The following PSTPIP2 variants were observed in gnomAD, a reference collection of about 807,000 sequenced individuals.
PSTPIP2 encodes proline-serine-threonine phosphatase interacting protein 2.
PSTPIP2 carries 33 observed loss-of-function variants against 63.3 expected under a neutral mutation model. The observed-to-expected ratio is 0.52, with a 90% confidence interval of 0.40 to 0.70. The LOEUF is 0.70. PSTPIP2 is among the 30% of genes least tolerant of loss of function. PSTPIP2 has a pLI of 0.00. For synonymous variants in PSTPIP2, 125 were observed against 132.7 expected, an observed-to-expected ratio of 0.94 and a Z score of 0.40; for missense variants, 312 against 400.7, an observed-to-expected ratio of 0.78 and a Z score of 1.89.
At chr18:46,000,193 G>A (rs73438241) in intron 6 of PSTPIP2, among the ~76,000 whole-genome samples, 56 of 152,130 alleles carry the variant, frequency 3.7e-4, no homozygotes, top group African/African-American at 1.1e-3. Context: ...ACTCTAAAAC[G>A]TGTGGTCTAA....
chr18:46,052,091 G>C (rs1254192339), intron 1 of PSTPIP2, among the ~76,000 whole-genome samples: 1 of 152,262 alleles, frequency 6.6e-6, no homozygotes, highest in Non-Finnish European at 1.5e-5. Flanking sequence ...TATGGGACCA[G>C]AGGAACAGAG....
chr18:46,043,403 A>G (rs570440638), intron 1 of PSTPIP2, among the ~76,000 whole-genome samples: 1 of 152,068 alleles, frequency 6.6e-6, no homozygotes, highest in East Asian at 1.9e-4. Context: ...AATGAAAAAA[A>G]AAAAGAAAAG....
chr18:45,990,609 T>C (rs2051518117), intron 13 of PSTPIP2, 113 bp downstream of exon 13: 3 of 870,710 alleles, frequency 3.4e-6, no homozygotes, highest in Admixed American at 2.4e-5. Context: ...TTTGTATTTT[T>C]AGTGGAGACA....
rs548829215 is a variant in PSTPIP2 at position 45,988,435 on chromosome 18, G to GAAAAAAA, written c.*8+260_*8+266dup. ...GGGTGACACAGCGAGACTCTGCTTC[G>GAAAAAAA]AAAAAAAAAAGCAGATAAAGAGTTA... is the stretch of plus-strand genomic sequence containing the variant. On this transcript the variant is annotated intron_variant, in intron 14 of 14. Coordinates refer to ENST00000409746, the MANE Select transcript of PSTPIP2 (RefSeq NM_024430.4). Among the ~76,000 whole-genome samples the GAAAAAAA allele has an allele frequency of 3.9e-5, 5 of 128,582 alleles. No homozygotes were observed. The South Asian group carries it at 1.1e-3, about 29-fold the overall frequency. The allele number at this position is 128,582 out of a possible 152,430, so 84.4% of individuals were successfully genotyped here.
chr18:46,014,249 T>C (rs1046593203), intron 4 of PSTPIP2, among the ~76,000 whole-genome samples: 3 of 152,088 alleles, frequency 2.0e-5, no homozygotes, highest in African/African-American at 7.2e-5. Context: ...CTTGAACTCC[T>C]GACCTCAGGT....
intron 1 of PSTPIP2, among the ~76,000 whole-genome samples, chr18:46,058,193 G>C (rs1599747273): frequency 6.6e-6 from 1 of 151,980 alleles, no homozygotes; most frequent in Non-Finnish European, 1.5e-5. Context: ...TGTATAGGAT[G>C]GGAGACTCCT....
intron 1 of PSTPIP2, among the ~76,000 whole-genome samples, chr18:46,047,334 G>A (rs555532024): frequency 1.3e-5 from 2 of 152,204 alleles, no homozygotes; most frequent in Admixed American, 1.3e-4. Context: ...CAGCAGTTCG[G>A]GAGGCCAAGG....
chr18:46,014,269 G>A lies in PSTPIP2; in HGVS notation c.247+1634C>T, dbSNP rs112564929. ...ACTCCTGACCTCAGGTAACCTGCCC[G>A]CCTTGGCCTCCCAAAGCGTTAGGAT... On this transcript the variant is annotated intron_variant, in intron 4 of 14. Coordinates refer to ENST00000409746, the MANE Select transcript of PSTPIP2 (RefSeq NM_024430.4). 5.4e-3 allele frequency among the ~76,000 whole-genome samples: 814 copies of A among 150,878 alleles called. 9 individuals carry two copies. The highest frequency in any genetic ancestry group is 0.014 in the Middle Eastern group (4 of 292).
At chr18:46,020,752 G>A (rs1306896220) in intron 3 of PSTPIP2, among the ~76,000 whole-genome samples, 1 of 152,136 alleles carries the variant, frequency 6.6e-6, no homozygotes, top group African/African-American at 2.4e-5. Context: ...TTCAGCCTTG[G>A]AAACAATCCC....
chr18:46,028,166 G>T, intron 2 of PSTPIP2: 1 of 332,376 alleles, frequency 3.0e-6, no homozygotes, highest in Non-Finnish European at 6.0e-6. Context: ...GTCTCAAAAA[G>T]AAAAGAGGCG....
At chr18:46,044,668 T>C (rs1348501717) in intron 1 of PSTPIP2, among the ~76,000 whole-genome samples, 3 of 151,930 alleles carry the variant, frequency 2.0e-5, no homozygotes, top group Non-Finnish European at 4.4e-5. Flanking sequence ...GGGATCTAAT[T>C]CAACTAAAGA....
intron 1 of PSTPIP2, among the ~76,000 whole-genome samples, chr18:46,066,919 C>T (rs1305145000): frequency 6.6e-6 from 1 of 151,054 alleles, no homozygotes; most frequent in Non-Finnish European, 1.5e-5. Flanking sequence ...CCCAGCTACT[C>T]GGGAGGCTGA....
At chr18:46,002,824 TA>T (rs747360630) in intron 6 of PSTPIP2, among the ~76,000 whole-genome samples, 119 of 152,194 alleles carry the variant, frequency 7.8e-4, no homozygotes, top group Non-Finnish European at 1.5e-3. Context: ...GCTTGCTGAA[TA>T]TTTTGATAGT....
intron 1 of PSTPIP2, among the ~76,000 whole-genome samples, chr18:46,043,363 C>T (rs9961163): frequency 0.11 from 15,951 of 149,368 alleles, 1,137 homozygotes; most frequent in East Asian, 0.39. Context: ...TGCACTCCAG[C>T]GTGGGTGACA....
At chr18:46,009,380 A>C (rs2051768763) in intron 5 of PSTPIP2, among the ~76,000 whole-genome samples, 3 of 135,112 alleles carry the variant, frequency 2.2e-5, no homozygotes, top group African/African-American at 9.2e-5. Context: ...AAAAAAAAAA[A>C]AAAAAAAAAA....
chr18:45,995,616 A>G (rs1301781215), intron 9 of PSTPIP2, among the ~76,000 whole-genome samples: 3 of 152,200 alleles, frequency 2.0e-5, no homozygotes, highest in African/African-American at 4.8e-5. Context: ...GAAACTGCAA[A>G]GGCCCACTGG....
chr18:46,018,282 T>C (rs1342450026), intron 3 of PSTPIP2, among the ~76,000 whole-genome samples: 2 of 152,194 alleles, frequency 1.3e-5, no homozygotes, highest in African/African-American at 2.4e-5. Context: ...CTGATGAAAT[T>C]TGGTACTTTG....
At chr18:46,066,291 C>T (rs777132931) in intron 1 of PSTPIP2, among the ~76,000 whole-genome samples, 12 of 152,164 alleles carry the variant, frequency 7.9e-5, no homozygotes, top group Non-Finnish European at 1.3e-4. Context: ...CGCACCACTG[C>T]ACTCTAGCCT....
At chr18:46,044,075 A>G (rs185224926) in intron 1 of PSTPIP2, among the ~76,000 whole-genome samples, 16 of 152,340 alleles carry the variant, frequency 1.1e-4, no homozygotes, top group Admixed American at 4.6e-4. Context: ...AAATTGATCT[A>G]TAGATCCAAA....
Sources: allele counts gnomAD v4.1 joint callset (sites outside exome capture counted in the v4.1 genomes callset), GRCh38; gene constraint gnomAD v4.1.1; transcripts MANE v1.5; gene names NCBI Gene and HGNC (gene_info 2026-07-23, HGNC 2026-07-21).